USP34: variants seen among roughly 807,000 people sequenced by gnomAD.
USP34 encodes the protein ubiquitin specific peptidase 34, also known as ubiquitin carboxyl-terminal hydrolase 34.
USP34 carries 70 observed loss-of-function variants against 460.3 expected under a neutral mutation model. The observed-to-expected ratio is 0.15, with a 90% CI of 0.13 to 0.19. The LOEUF is 0.19. Ranked by LOEUF, USP34 falls within the 10% of genes least tolerant of loss-of-function variation. USP34 has a pLI of 1.00. For missense variants in USP34, 3,985 were observed against 4,236.2 expected (o/e 0.94, Z 1.65); for synonymous variants, 1,647 against 1,405.3 (o/e 1.17, Z -3.85).
chr2:61,238,866 T>C (rs573675795), intron 53 of USP34, among the ~76,000 whole-genome samples: 1 of 152,154 alleles, frequency 6.6e-6, no homozygotes, highest in African/African-American at 2.4e-5. Flanking sequence ...AGCCCTGCAA[T>C]CAAGCAAGTC....
chr2:61,286,757 C>A (rs576011274), intron 34 of USP34, among the ~76,000 whole-genome samples: 48 of 152,200 alleles, frequency 3.2e-4, no homozygotes, highest in Non-Finnish European at 6.3e-4. Flanking sequence ...GGAAAAAGTT[C>A]GCTTGTGTAT....
chr2:61,421,030 G>A (rs537096517), intron 1 of USP34, among the ~76,000 whole-genome samples, 197 bp from the exon 2 acceptor site: 2 of 151,980 alleles, frequency 1.3e-5, no homozygotes, highest in Non-Finnish European at 2.9e-5. Context: ...TAAGGGGTGG[G>A]GGGGGCAGTG....
chr2:61,466,101 A>G (rs1016786260), intron 1 of USP34, among the ~76,000 whole-genome samples: 4 of 152,090 alleles, frequency 2.6e-5, no homozygotes, highest in Non-Finnish European at 5.9e-5. Flanking sequence ...AGGAATAAGT[A>G]CTACTACAGA....
chr2:61,276,269 C>T (rs62152277), intron 41 of USP34, among the ~76,000 whole-genome samples: 31,842 of 152,026 alleles, frequency 0.21, 3,479 homozygotes, highest in South Asian at 0.33. Flanking sequence ...ACCTATTTTA[C>T]TTTTAAGAGT....
intron 48 of USP34, among the ~76,000 whole-genome samples, chr2:61,252,189 A>C (rs1440735742): frequency 6.6e-6 from 1 of 152,178 alleles, no homozygotes; most frequent in Non-Finnish European, 1.5e-5. Context: ...AAGGAATCAA[A>C]GTACTTATTT....
At chr2:61,229,702 G>A in intron 58 of USP34, 69 bp from the exon 59 acceptor site, 1 of 1,357,206 alleles carries the variant, frequency 7.4e-7, no homozygotes, top group East Asian at 2.4e-5. Context: ...AAATTAACAT[G>A]ATTCAAAATT....
Position 61,187,773 on chromosome 2 carries a change from T to A in USP34, c.*329A>T. 5 of 665,024 alleles carry A rather than the reference T, an allele frequency of 7.5e-6. No homozygotes were observed. The highest frequency in any genetic ancestry group is 9.9e-6 in the Non-Finnish European group (5 of 502,936). 41.2% of individuals were successfully genotyped at this position (665,024 alleles called of 1,614,324 possible). A position where few individuals can be genotyped will look rare whatever the true frequency, so the allele number is the denominator to read the frequency against. ...ACAGAGGACACCATATCATACACAGTAAAAATGCTGTAAGTTTAAATTACA... is the reference window on the plus strand; with the variant it reads ...ACAGAGGACACCATATCATACACAGAAAAAATGCTGTAAGTTTAAATTACA... On this transcript the variant is annotated 3_prime_UTR_variant, in exon 80 of 80. Coordinates refer to ENST00000398571, the MANE Select transcript of USP34 (RefSeq NM_014709.4).
intron 39 of USP34, among the ~76,000 whole-genome samples, chr2:61,279,654 T>G (rs1431967328): frequency 1.3e-5 from 2 of 152,126 alleles, no homozygotes; most frequent in African/African-American, 4.8e-5. Flanking sequence ...TTAGTAGAGA[T>G]GGGGTTTCAC....
Position 61,420,758 on chromosome 2 carries a change from G to A in USP34, c.119C>T (p.Ser40Phe), listed in dbSNP as rs1336415273. The A allele has an allele frequency of 4.4e-6, 7 of 1,609,146 alleles. No individual in the cohort carries two copies. The highest frequency in any genetic ancestry group is 3.4e-5 in the Admixed American group (2 of 59,464). The change falls in exon 2 of 80, where the codon TCC (serine) becomes TTC (phenylalanine). Residue 40 changes from serine (S) to phenylalanine (F), a missense_variant. Physicochemically the swap from Ser to Phe is radical, Grantham distance 155 (BLOSUM62 -2). Transcript: ENST00000398571. ...TAAAGATGCATACCTCTGTGTCCAG[G>A]AATTGATATAAGTAAATATTTTGAG... is the stretch of plus-strand genomic sequence containing the variant. ...HTLKIFTYINSWTQRQCLCCF... is the reference protein window; with the variant it reads ...HTLKIFTYINFWTQRQCLCCF...
chr2:61,320,670 G>C (rs1246182939), intron 21 of USP34, among the ~76,000 whole-genome samples: 2 of 151,826 alleles, frequency 1.3e-5, no homozygotes, highest in Non-Finnish European at 2.9e-5. Context: ...TTTGAGACCG[G>C]TCTGGGCAAT....
intron 78 of USP34, chr2:61,189,951 A>G (rs542565031): frequency 9.4e-6 from 2 of 212,072 alleles, no homozygotes; most frequent in East Asian, 2.1e-4. Flanking sequence ...TTTCAGTTAC[A>G]TAGGAGCCAT....
intron 10 of USP34, among the ~76,000 whole-genome samples, chr2:61,368,309 G>A (rs1692501068): frequency 6.6e-6 from 1 of 152,152 alleles, no homozygotes; most frequent in South Asian, 2.1e-4. Context: ...GCGCGTGCCT[G>A]TAATCCCAGC....
chr2:61,227,803 T>C (rs954449127), intron 61 of USP34, among the ~76,000 whole-genome samples: 2 of 152,168 alleles, frequency 1.3e-5, no homozygotes, highest in African/African-American at 4.8e-5. Context: ...ATAACTTTTT[T>C]CTTATAAGCA....
In USP34 at chr2:61,421,795, A is replaced by ACGCG. The variant is rs1191167275; in HGVS notation, c.44-963_44-962insCGCG. On this transcript the variant is annotated intron_variant, in intron 1 of 79. Coordinates refer to ENST00000398571, the MANE Select transcript of USP34 (RefSeq NM_014709.4). ...TTAAAACACACACACACACACACAC[A>ACGCG]CACGCGCGCGCGCGCACCTTCTACT... Among the ~76,000 whole-genome samples the ACGCG allele has an allele frequency of 2.1e-5, 3 of 143,590 alleles. No homozygotes were observed. The East Asian group carries it at 7.0e-4, about 33-fold the overall frequency. 94.2% of individuals were successfully genotyped at this position (143,590 alleles called of 152,430 possible). A position where few individuals can be genotyped will look rare whatever the true frequency, so the allele number is the denominator to read the frequency against.
chr2:61,279,594 T>C (rs1689475337), intron 39 of USP34, among the ~76,000 whole-genome samples: 1 of 152,110 alleles, frequency 6.6e-6, no homozygotes, highest in African/African-American at 2.4e-5. Context: ...CCCTCCTGAG[T>C]AGCTAGGACT....
intron 3 of USP34, among the ~76,000 whole-genome samples, chr2:61,400,966 A>C (rs1189660991): frequency 1.3e-5 from 2 of 152,028 alleles, no homozygotes; most frequent in Non-Finnish European, 2.9e-5. Flanking sequence ...CCTGGCCAAC[A>C]TGGTGAAACC....
intron 51 of USP34, among the ~76,000 whole-genome samples, chr2:61,244,595 C>T (rs1369417927): frequency 6.9e-6 from 1 of 145,346 alleles, no homozygotes; most frequent in Non-Finnish European, 1.5e-5. Flanking sequence ...GTCTGGGCGA[C>T]ACAGCAAGAA....
At chr2:61,454,825 A>G (rs994915928) in intron 1 of USP34, among the ~76,000 whole-genome samples, 6 of 147,664 alleles carry the variant, frequency 4.1e-5, no homozygotes, top group African/African-American at 7.5e-5. Context: ...CTGGGATTAT[A>G]GGCATAGCCG....
intron 3 of USP34, among the ~76,000 whole-genome samples, chr2:61,403,986 C>G (rs1377468660): frequency 1.2e-5 from 1 of 83,212 alleles, no homozygotes; most frequent in African/African-American, 4.1e-5. Flanking sequence ...GATCAAGACT[C>G]TATCTCAAAA....
Sources: allele counts gnomAD v4.1 joint callset (sites outside exome capture counted in the v4.1 genomes callset), GRCh38; gene constraint gnomAD v4.1.1; transcripts MANE v1.5; gene names NCBI Gene and HGNC (gene_info 2026-07-23, HGNC 2026-07-21).